The following RRM1 variants were observed in gnomAD, a reference collection of about 807,000 sequenced individuals.
RRM1 encodes ribonucleoside-diphosphate reductase large subunit.
RRM1 carries 19 observed loss-of-function variants against 101.5 expected under a neutral mutation model. The observed-to-expected ratio is 0.19, with a 90% CI of 0.13 to 0.27. The LOEUF is 0.27. Among genes scored for constraint, RRM1 ranks in the 10% least tolerant of loss-of-function variants. The pLI, the probability that RRM1 is intolerant of heterozygous loss-of-function variation, is 1.00. For synonymous variants in RRM1, 298 were observed against 323.4 expected (o/e 0.92, Z 0.84); for missense variants, 500 against 962.9 (o/e 0.52, Z 6.36).
chr11:4,111,312 G>C (rs1194005567), intron 5 of RRM1, among the ~76,000 whole-genome samples: 1 of 151,816 alleles, frequency 6.6e-6, no homozygotes, highest in African/African-American at 2.4e-5. Context: ...TCGGTAGCCT[G>C]AGGCAGGAGA....
In RRM1 at chr11:4,133,620, A is replaced by G; in HGVS notation, c.1963A>G (p.Met655Val). Residue 655 changes from methionine to valine, a missense_variant, in exon 17 of 19, where the codon ATG (methionine) becomes GTG (valine). By Grantham distance (21) the Met-to-Val change is conservative (BLOSUM62 1). Around this residue, in one of 9 missense-constraint regions of RRM1, gnomAD observed 79 missense variants for 176.4 expected, o/e 0.45. Coordinates refer to ENST00000300738, the MANE Select transcript of RRM1 (RefSeq NM_001033.5). ...CGAGCGGGGCCTATGGCATGAAGAG[A>G]TGAAAAACCAGATTATTGCATGCAA... ...LTERGLWHEEMKNQIIACNGS... is the reference protein window; with the variant it reads ...LTERGLWHEEVKNQIIACNGS... 6.2e-7 allele frequency: 1 copy of G among 1,612,256 alleles called. No individual in the cohort carries two copies. The highest frequency in any genetic ancestry group is 2.2e-5 in the East Asian group (1 of 44,840).
In RRM1 at chr11:4,118,170, A is replaced by G. The variant is rs933615020; in HGVS notation, c.651-150A>G. The G allele has an allele frequency of 8.3e-6, 6 of 726,582 alleles. No individual in the cohort carries two copies. The African/African-American group carries it at 8.8e-5, about 11-fold the overall frequency. The allele number at this position is 726,582 out of a possible 1,614,324, so 45.0% of individuals were successfully genotyped here. A position where few individuals can be genotyped will look rare whatever the true frequency, so the allele number is the denominator to read the frequency against. ...TGTTTTATTGTGTCATGTACAGTAA[A>G]GTGGGTTTTCTTCTTTGAAAATCAT... is the stretch of plus-strand genomic sequence containing the variant. On this transcript the variant is annotated intron_variant, in intron 7 of 18. Transcript: ENST00000300738.
In RRM1 at chr11:4,135,165, A is replaced by T. The variant is rs2094607185; in HGVS notation, c.2085A>T (p.Ala695=). The change falls in exon 18 of 19, where the codon GCA becomes GCT. Residue 695 remains alanine (A), a synonymous_variant. Coordinates refer to ENST00000300738, the MANE Select transcript of RRM1 (RefSeq NM_001033.5). ...EISQKTVLKM[A]AERGAFIDQS... ...CTCAGAAAACTGTTCTCAAGATGGC[A>T]GCTGAGAGAGGTGCTTTCATTGATC... The T allele has an allele frequency of 6.2e-7, 1 of 1,613,750 alleles. No homozygotes were observed. The highest frequency in any genetic ancestry group is 1.1e-5 in the South Asian group (1 of 90,980).
At chr11:4,105,056 C>A (rs1324642975) in intron 2 of RRM1, among the ~76,000 whole-genome samples, 2 of 151,880 alleles carry the variant, frequency 1.3e-5, no homozygotes, top group Admixed American at 1.3e-4. Context: ...ATGTTTTCAG[C>A]TATTTCCCTG....
intron 1 of RRM1, among the ~76,000 whole-genome samples, chr11:4,100,050 G>A (rs1341226240): frequency 6.6e-6 from 1 of 152,180 alleles, no homozygotes; most frequent in East Asian, 1.9e-4. Flanking sequence ...CCCAGTGCCA[G>A]CCAGTTAATT....
chr11:4,133,616 A>C lies in RRM1; in HGVS notation c.1959A>C (p.Glu653Asp), dbSNP rs967201932. The change falls in exon 17 of 19, where the codon GAA (glutamate) becomes GAC (aspartate). Residue 653 changes from glutamate (E) to aspartate (D), a missense_variant. This residue lies in a region of RRM1 where 79 missense variants were observed against 176.4 expected (regional missense o/e 0.45). Coordinates refer to ENST00000300738, the MANE Select transcript of RRM1 (RefSeq NM_001033.5). ...TTACCGAGCGGGGCCTATGGCATGA[A>C]GAGATGAAAAACCAGATTATTGCAT... ...KDLTERGLWH[E>D]EMKNQIIACN... The C allele has an allele frequency of 6.2e-7, 1 of 1,612,590 alleles. No homozygotes were observed. The highest frequency in any genetic ancestry group is 1.3e-5 in the African/African-American group (1 of 74,872).
chr11:4,127,199 C>T lies in RRM1; in HGVS notation c.1635C>T (p.Asp545=), dbSNP rs140091725. The change falls in exon 14 of 19, where the codon GAC becomes GAT. Residue 545 remains aspartate, a synonymous_variant. Transcript: ENST00000300738. ...IYYGALEASC[D]LAKEQGPYET... ...ATGGTGCTCTGGAAGCCAGCTGTGACCTTGCCAAGGAGCAGGGCCCATACG... is the reference window on the plus strand; with the variant it reads ...ATGGTGCTCTGGAAGCCAGCTGTGATCTTGCCAAGGAGCAGGGCCCATACG... 176 of 1,613,238 alleles carry T rather than the reference C, an allele frequency of 1.1e-4. No individual in the cohort carries two copies. The African/African-American group carries it at 2.0e-3, about 18-fold the overall frequency.
chr11:4,127,347 C>A, intron 14 of RRM1, 91 bp downstream of exon 14: 1 of 690,310 alleles, frequency 1.4e-6, no homozygotes, highest in South Asian at 3.3e-5. Flanking sequence ...CATCCTAATT[C>A]CTGGAACCTG....
chr11:4,095,697 G>T (rs2094542626), intron 1 of RRM1, among the ~76,000 whole-genome samples: 1 of 152,174 alleles, frequency 6.6e-6, no homozygotes, highest in African/African-American at 2.4e-5. Context: ...TGACAAGATG[G>T]GGACTGGGAA....
intron 18 of RRM1, 80 bp downstream of exon 18, chr11:4,135,350 C>T (rs966867128): frequency 3.6e-6 from 4 of 1,112,590 alleles, no homozygotes; most frequent in Non-Finnish European, 5.1e-6. Flanking sequence ...TTTTAGCCAC[C>T]TATTAAATAT....
In RRM1 at chr11:4,116,909, G is replaced by T. The variant is rs111779604; in HGVS notation, c.651-1411G>T. On this transcript the variant is annotated intron_variant, in intron 7 of 18. Coordinates refer to ENST00000300738, the MANE Select transcript of RRM1 (RefSeq NM_001033.5). The stretch of plus-strand genomic sequence containing the variant: ...TCGAGCCCAGGAGGTCAAAGCTGCT[G>T]TGAGCTATGATCATGCCACTGCACT... Among the ~76,000 whole-genome samples, 146 of 151,848 alleles carry T rather than the reference G, an allele frequency of 9.6e-4. 1 individual carries two copies. Among genetic ancestry groups the T allele is most frequent in the African/African-American group, 3.3e-3 (138 of 41,376 alleles).
intron 2 of RRM1, among the ~76,000 whole-genome samples, chr11:4,104,489 T>C (rs901959333): frequency 6.6e-6 from 1 of 152,190 alleles, no homozygotes; most frequent in Non-Finnish European, 1.5e-5. Flanking sequence ...AAATGTATGC[T>C]AATACCCTGT....
rs2094604163 is a variant in RRM1 at position 4,133,632 on chromosome 11, A to G, written c.1975A>G (p.Ile659Val). The stretch of plus-strand genomic sequence containing the variant: ...ATGGCATGAAGAGATGAAAAACCAG[A>G]TTATTGCATGCAATGGCTCTATTCA... ...GLWHEEMKNQIIACNGSIQSI... is the reference protein window; with the variant it reads ...GLWHEEMKNQVIACNGSIQSI... Residue 659 changes from isoleucine (I) to valine (V), a missense_variant, in exon 17 of 19, where the codon ATT becomes GTT. Ile to Val is a conservative substitution (Grantham distance 29). Transcript: ENST00000300738. 2 of 1,609,934 alleles carry G rather than the reference A, an allele frequency of 1.2e-6. No individual in the cohort carries two copies. Among genetic ancestry groups the G allele is most frequent in the East Asian group, 4.5e-5 (2 of 44,812 alleles).
chr11:4,095,863 A>G (rs1007526021), intron 1 of RRM1, among the ~76,000 whole-genome samples: 9 of 152,228 alleles, frequency 5.9e-5, no homozygotes, highest in Non-Finnish European at 1.0e-4. Flanking sequence ...AAACAAGAGC[A>G]ACATACTTTT....
chr11:4,109,842 G>T (rs2094563082), intron 5 of RRM1, 139 bp downstream of exon 5: 2 of 570,212 alleles, frequency 3.5e-6, no homozygotes, highest in Admixed American at 3.7e-5. Context: ...TGGGGTTAAG[G>T]TAGCAGTGGT....
At chr11:4,128,184 CAG>C (rs1339528357) in intron 14 of RRM1, among the ~76,000 whole-genome samples, 2 of 139,136 alleles carry the variant, frequency 1.4e-5, no homozygotes, top group African/African-American at 5.4e-5. Context: ...TTTTTTGAGA[CAG>C]AGTCTCACTT....
At chr11:4,097,579 C>T (rs1307796456) in intron 1 of RRM1, among the ~76,000 whole-genome samples, 2 of 151,774 alleles carry the variant, frequency 1.3e-5, no homozygotes, top group East Asian at 1.9e-4. Context: ...GAATAGCAGA[C>T]TAACTCCTAC....
intron 9 of RRM1, 78 bp from the exon 10 acceptor site, chr11:4,121,526 A>G (rs959209357): frequency 2.0e-5 from 22 of 1,100,364 alleles, no homozygotes; most frequent in Non-Finnish European, 2.8e-5. Flanking sequence ...AGGAGATACT[A>G]TAAAAGTGCT....
At chr11:4,109,951 A>G (rs544404538) in intron 5 of RRM1, among the ~76,000 whole-genome samples, 2 of 152,318 alleles carry the variant, frequency 1.3e-5, no homozygotes, top group East Asian at 3.9e-4. Context: ...ATAAATTACC[A>G]TAAGTATTTC....
Sources: gnomAD v4.1 joint callset for allele counts (sites outside exome capture counted in the v4.1 genomes callset) on GRCh38, gnomAD v4.1.1 for gene constraint, gnomAD v4.1.1 regional missense constraint, MANE v1.5 for transcripts, NCBI Gene and HGNC (gene_info 2026-07-23, HGNC 2026-07-21) for gene names.